The following RBMS3 variants were observed in gnomAD, a reference collection of about 807,000 sequenced individuals.
RBMS3 encodes the protein RNA binding motif single stranded interacting protein 3.
In RBMS3, 27 loss-of-function variants were observed where a neutral mutation model predicts 66.8. The observed-to-expected ratio is 0.40, with a 90% CI of 0.30 to 0.56. The LOEUF (loss-of-function observed/expected upper bound fraction) is 0.56. RBMS3 is among the 20% of genes least tolerant of loss of function. The pLI is 0.40. For synonymous variants in RBMS3, 188 were observed against 183.0 expected, an observed-to-expected ratio of 1.03 and a Z score of -0.22; for missense variants, 513 against 549.5, an observed-to-expected ratio of 0.93 and a Z score of 0.66.
At chr3:29,542,652 C>T (rs766533832) in intron 3 of RBMS3, among the ~76,000 whole-genome samples, 6 of 152,144 alleles carry the variant, frequency 3.9e-5, no homozygotes, top group Non-Finnish European at 7.4e-5. Flanking sequence ...TGAGCCACCA[C>T]GCCCAGCCCA....
chr3:29,690,386 G>A (rs887110754), intron 4 of RBMS3, among the ~76,000 whole-genome samples: 2 of 152,126 alleles, frequency 1.3e-5, no homozygotes, highest in Admixed American at 1.3e-4. Context: ...GGAGTTTGAG[G>A]CTTCAGTGAG....
chr3:30,009,774 T>TAAAC lies in RBMS3; in HGVS notation c.*5915_*5918dup, dbSNP rs1460764051. ...ATTATTTTTATGATCACATCAAATT[T>TAAAC]AAACAATGTCCAAAGTGTAACTTTA... On this transcript the variant is annotated 3_prime_UTR_variant, in exon 15 of 15. Transcript: ENST00000383767. 1 of 152,230 alleles carries TAAAC rather than the reference T, an allele frequency of 6.6e-6. No homozygotes were observed. Among genetic ancestry groups the TAAAC allele is most frequent in the Non-Finnish European group, 1.5e-5 (1 of 68,036 alleles). 9.4% of individuals were successfully genotyped at this position (152,230 alleles called of 1,614,324 possible).
At chr3:29,725,721 G>A (rs994320227) in intron 4 of RBMS3, among the ~76,000 whole-genome samples, 5 of 151,860 alleles carry the variant, frequency 3.3e-5, no homozygotes, top group Non-Finnish European at 4.4e-5. Context: ...TAATTAATAC[G>A]CTACCAACCA....
chr3:29,872,501 G>A (rs1411215597), intron 7 of RBMS3, among the ~76,000 whole-genome samples: 2 of 152,142 alleles, frequency 1.3e-5, no homozygotes, highest in African/African-American at 2.4e-5. Flanking sequence ...CTTCTAATAC[G>A]ATCTTAGGAA....
At chr3:29,832,683 G>A (rs1027870911) in intron 6 of RBMS3, among the ~76,000 whole-genome samples, 82 of 152,148 alleles carry the variant, frequency 5.4e-4, no homozygotes, top group African/African-American at 1.8e-3. Flanking sequence ...CCCCACCCAG[G>A]ATACTGAGGT....
chr3:29,569,004 C>T (rs1228564966), intron 3 of RBMS3, among the ~76,000 whole-genome samples: 2 of 152,060 alleles, frequency 1.3e-5, no homozygotes, highest in Admixed American at 6.6e-5. Flanking sequence ...AATGTACAGC[C>T]TGATTCAGTA....
intron 10 of RBMS3, among the ~76,000 whole-genome samples, chr3:29,909,512 G>A (rs1340058307): frequency 2.0e-5 from 3 of 152,092 alleles, no homozygotes; most frequent in Non-Finnish European, 2.9e-5. Flanking sequence ...AAGGCTTCCT[G>A]CTGTCTGAGA....
At chr3:29,961,682 C>A (rs141614051) in intron 12 of RBMS3, among the ~76,000 whole-genome samples, 186 of 151,980 alleles carry the variant, frequency 1.2e-3, no homozygotes, top group Non-Finnish European at 1.5e-3. Flanking sequence ...AAGTGCCAAG[C>A]AAAGAAGGAA....
intron 1 of RBMS3, among the ~76,000 whole-genome samples, chr3:29,305,769 T>C (rs1302173415): frequency 6.6e-6 from 1 of 152,034 alleles, no homozygotes; most frequent in Admixed American, 6.6e-5. Context: ...ATTTCCATTT[T>C]ACCAGAATTG....
chr3:29,970,179 A>AT (rs1046643045), intron 12 of RBMS3, among the ~76,000 whole-genome samples: 1 of 152,152 alleles, frequency 6.6e-6, no homozygotes, highest in Non-Finnish European at 1.5e-5. Flanking sequence ...TGTAGTTAAC[A>AT]TTTTTGGGAA....
Position 29,880,775 on chromosome 3 carries a change from A to G in RBMS3, c.745-3387A>G, listed in dbSNP as rs1433228484. 3.3e-6 allele frequency: 5 copies of G among 1,535,710 alleles called. No individual in the cohort carries two copies. In the African/African-American group the frequency reaches 5.5e-5, roughly 17 times the overall value. On this transcript the variant is annotated intron_variant, in intron 7 of 14. Coordinates refer to ENST00000383767, the MANE Select transcript of RBMS3 (RefSeq NM_001003793.3). ...CTATCTCTTGTTGTCTCCTCTTGCC[A>G]AAGGTACTCAGAGGCAGGACTGTCC...
At chr3:29,349,876 C>T (rs529044209) in intron 1 of RBMS3, among the ~76,000 whole-genome samples, 2 of 152,176 alleles carry the variant, frequency 1.3e-5, no homozygotes, top group Admixed American at 1.3e-4. Flanking sequence ...TATAGTTGTT[C>T]AGGCCGGGTG....
intron 3 of RBMS3, among the ~76,000 whole-genome samples, chr3:29,586,028 T>A (rs900889786): frequency 1.3e-5 from 2 of 152,092 alleles, no homozygotes; most frequent in Non-Finnish European, 2.9e-5. Flanking sequence ...AGAGGAGGTG[T>A]CACAGTACAC....
intron 4 of RBMS3, among the ~76,000 whole-genome samples, chr3:29,598,049 A>G (rs1019563534): frequency 6.6e-6 from 1 of 152,142 alleles, no homozygotes. Context: ...GTTAAAAAAT[A>G]TAAATCACAC....
chr3:29,677,881 T>G (rs1006321634), intron 4 of RBMS3, among the ~76,000 whole-genome samples: 9 of 152,150 alleles, frequency 5.9e-5, no homozygotes, highest in Non-Finnish European at 1.0e-4. Context: ...GAATTTTAAC[T>G]AGGATTCTGT....
intron 6 of RBMS3, among the ~76,000 whole-genome samples, chr3:29,802,045 A>G (rs1300654403): frequency 1.3e-5 from 2 of 152,134 alleles, no homozygotes; most frequent in Non-Finnish European, 2.9e-5. Flanking sequence ...CATTTGAGAG[A>G]CCATATGTAT....
At chr3:29,974,809 A>ATTTATAT (rs71622595) in intron 12 of RBMS3, among the ~76,000 whole-genome samples, 4 of 137,342 alleles carry the variant, frequency 2.9e-5, no homozygotes, top group Non-Finnish European at 4.6e-5. Context: ...ACGTTTATAT[A>ATTTATAT]TTTTATATAT....
At chr3:29,550,082 C>T (rs1032054909) in intron 3 of RBMS3, among the ~76,000 whole-genome samples, 4 of 152,204 alleles carry the variant, frequency 2.6e-5, no homozygotes, top group Admixed American at 6.5e-5. Context: ...TCTAACTTGC[C>T]AGTTGAAGCT....
chr3:29,642,175 C>T (rs2049742899), intron 4 of RBMS3, among the ~76,000 whole-genome samples: 1 of 151,942 alleles, frequency 6.6e-6, no homozygotes, highest in Non-Finnish European at 1.5e-5. Context: ...GGATTCTGAC[C>T]CTGGGTGAAG....
Sources: gnomAD v4.1 joint callset for allele counts (sites outside exome capture counted in the v4.1 genomes callset) on GRCh38, gnomAD v4.1.1 for gene constraint, MANE v1.5 for transcripts, NCBI Gene and HGNC (gene_info 2026-07-23, HGNC 2026-07-21) for gene names.